Variants in ABRACL observed in about 807,000 individuals in gnomAD.
ABRACL encodes the protein costars family protein ABRACL.
Under a neutral mutation model 7.0 loss-of-function variants are expected in ABRACL, and 4 were observed. That is an observed-to-expected ratio of 0.57 (90% CI 0.28 to 1.30). ABRACL has a LOEUF of 1.30. Among genes scored for constraint, ABRACL ranks in the 50% most tolerant of loss-of-function variants. The pLI is 0.10. For missense variants in ABRACL, 104 were observed against 97.3 expected (o/e 1.07, Z -0.29); for synonymous variants, 30 against 36.0 (o/e 0.83, Z 0.60).
At chr6:139,034,328 C>T (rs1278112014) in intron 2 of ABRACL, 107 bp downstream of exon 2, 2 of 1,600,716 alleles carry the variant, frequency 1.2e-6, no homozygotes, top group Admixed American at 3.5e-5. Context: ...CTTCAGGACA[C>T]AGGTCTGGGA....
At chr6:139,032,146 A>T (rs1663347302) in intron 1 of ABRACL, among the ~76,000 whole-genome samples, 1 of 151,534 alleles carries the variant, frequency 6.6e-6, no homozygotes, top group South Asian at 2.1e-4. Context: ...TTGTATTTTT[A>T]GTAGAGACGG....
chr6:139,031,345 C>G (rs1161732687), intron 1 of ABRACL, among the ~76,000 whole-genome samples: 1 of 152,116 alleles, frequency 6.6e-6, no homozygotes, highest in Non-Finnish European at 1.5e-5. Context: ...TTACACTTAC[C>G]CATCCTACCC....
At chr6:139,030,073 G>C (rs1786057840) in intron 1 of ABRACL, among the ~76,000 whole-genome samples, 2 of 151,972 alleles carry the variant, frequency 1.3e-5, no homozygotes, top group South Asian at 2.1e-4. Flanking sequence ...CTTCCCTGGA[G>C]CCTTTTCCTG....
At chr6:139,041,493 A>ATATGTGTGTGTG (rs71932479) in intron 2 of ABRACL, among the ~76,000 whole-genome samples, 16 of 122,480 alleles carry the variant, frequency 1.3e-4, no homozygotes, top group Non-Finnish European at 2.6e-4. Context: ...ATATATATAT[A>ATATGTGTGTGTG]TGTGTGTGTG....
At chr6:139,033,345 G>A (rs6570301) in intron 1 of ABRACL, among the ~76,000 whole-genome samples, 145,317 of 152,362 alleles carry the variant, frequency 0.95, 69,369 homozygotes, top group East Asian at 1. Flanking sequence ...GAACTTCACC[G>A]TGAGCTATTT....
chr6:139,036,986 A>G (rs982902274), intron 2 of ABRACL, among the ~76,000 whole-genome samples: 2 of 149,424 alleles, frequency 1.3e-5, no homozygotes, highest in Admixed American at 1.3e-4. Context: ...CCTGTCTCAA[A>G]ACAAAAACAA....
At chr6:139,031,816 ACT>A (rs756542731) in intron 1 of ABRACL, among the ~76,000 whole-genome samples, 2 of 151,924 alleles carry the variant, frequency 1.3e-5, no homozygotes, top group Non-Finnish European at 2.9e-5. Context: ...CCAGGGTAAG[ACT>A]CTACCCAGGA....
chr6:139,040,262 G>A (rs1786225216), intron 2 of ABRACL, among the ~76,000 whole-genome samples: 1 of 152,172 alleles, frequency 6.6e-6, no homozygotes, highest in Non-Finnish European at 1.5e-5. Flanking sequence ...GCAGCTTGCA[G>A]TGATGCATGT....
intron 1 of ABRACL, among the ~76,000 whole-genome samples, chr6:139,029,142 A>G (rs1786038490): frequency 1.3e-5 from 2 of 152,004 alleles, no homozygotes; most frequent in Non-Finnish European, 2.9e-5. Context: ...CGGACTGGGA[A>G]GCCGGCAGAA....
Position 139,041,600 on chromosome 6 carries a change from A to G in ABRACL, c.62-1119A>G, listed in dbSNP as rs375107044. On this transcript the variant is annotated intron_variant, in intron 2 of 2. Transcript: ENST00000367660. Reference sequence around the variant, plus strand: ...GGTGTCAAACTTCTGGGCTCAAGGTATCCTCCTACCTTGGCCTCCCAAAGT... The same window carrying G: ...GGTGTCAAACTTCTGGGCTCAAGGTGTCCTCCTACCTTGGCCTCCCAAAGT... 8.1e-5 allele frequency among the ~76,000 whole-genome samples: 12 copies of G among 148,644 alleles called. No homozygotes were observed. The East Asian group carries it at 2.0e-3, about 25-fold the overall frequency.
intron 1 of ABRACL, among the ~76,000 whole-genome samples, chr6:139,032,067 A>T (rs572098524): frequency 8.0e-4 from 120 of 149,694 alleles, no homozygotes; most frequent in Non-Finnish European, 1.5e-3. Flanking sequence ...TTCACGCCAT[A>T]CTCCTGCCTC....
intron 2 of ABRACL, among the ~76,000 whole-genome samples, chr6:139,037,342 C>T (rs7756186): frequency 0.39 from 59,752 of 151,940 alleles, 13,500 homozygotes; most frequent in East Asian, 0.91. Flanking sequence ...TCACTGCAAC[C>T]TCTTGTCTTC....
intron 2 of ABRACL, among the ~76,000 whole-genome samples, chr6:139,036,670 A>G (rs545594689): frequency 3.9e-5 from 6 of 152,100 alleles, no homozygotes; most frequent in Admixed American, 6.5e-5. Flanking sequence ...GGATTTTACT[A>G]CTTAGTTGAT....
At chr6:139,035,500 C>CGA (rs1786139626) in intron 2 of ABRACL, among the ~76,000 whole-genome samples, 2 of 137,522 alleles carry the variant, frequency 1.5e-5, no homozygotes, top group Non-Finnish European at 3.2e-5. Context: ...TTTTTTTTTT[C>CGA]GAGAGAGAAT....
rs775670582 is a variant in ABRACL, at chr6:139,034,348, A to C, written c.61+127A>C. On this transcript the variant is annotated intron_variant, in intron 2 of 2. Coordinates refer to ENST00000367660, the MANE Select transcript of ABRACL (RefSeq NM_021243.3). ...GGACACAGGTCTGGGAGCTCTGCCCACAGCCCCAGGTTATAACTGCCCTTA... is the reference window on the plus strand; with the variant it reads ...GGACACAGGTCTGGGAGCTCTGCCCCCAGCCCCAGGTTATAACTGCCCTTA... 22 of 1,580,466 alleles carry C rather than the reference A, an allele frequency of 1.4e-5. No individual in the cohort carries two copies. In the African/African-American group the frequency reaches 2.8e-4, roughly 20 times the overall value.
chr6:139,040,655 A>C (rs1786229451), intron 2 of ABRACL, among the ~76,000 whole-genome samples: 1 of 152,222 alleles, frequency 6.6e-6, no homozygotes, highest in Non-Finnish European at 1.5e-5. Flanking sequence ...CCTGTTGCAC[A>C]GAGTGTCATG....
At chr6:139,042,674 T>G (rs1398261682) in intron 2 of ABRACL, 45 bp from the exon 3 acceptor site, 1 of 1,556,926 alleles carries the variant, frequency 6.4e-7, no homozygotes, top group African/African-American at 1.4e-5. Context: ...CTTGAGGGTA[T>G]GAAACAGACT....
intron 2 of ABRACL, among the ~76,000 whole-genome samples, chr6:139,039,612 C>A (rs1562220505): frequency 1.3e-5 from 2 of 152,158 alleles, no homozygotes; most frequent in Admixed American, 1.3e-4. Flanking sequence ...TCTGGGCAGA[C>A]GGCTGAACAC....
Position 139,041,451 on chromosome 6 carries a change from C to CTCTATA in ABRACL, c.62-1267_62-1266insCTATAT, listed in dbSNP as rs140091253. On this transcript the variant is annotated intron_variant, in intron 2 of 2. Coordinates refer to ENST00000367660, the MANE Select transcript of ABRACL (RefSeq NM_021243.3). Reference sequence around the variant, plus strand: ...TCTCTCTCTCTCTCTCTCTCTCTCTCTATATATATATATATATATTTCTAT... The same window carrying CTCTATA: ...TCTCTCTCTCTCTCTCTCTCTCTCTCTCTATATATATATATATATATATATTTCTAT... Among the ~76,000 whole-genome samples, 646 of 109,992 alleles carry CTCTATA rather than the reference C, an allele frequency of 5.9e-3. 3 individuals are homozygous for CTCTATA. Among genetic ancestry groups the CTCTATA allele is most frequent in the African/African-American group, 0.012 (350 of 28,164 alleles). 72.2% of individuals were successfully genotyped at this position (109,992 alleles called of 152,430 possible). A position where few individuals can be genotyped will look rare whatever the true frequency, so the allele number is the denominator to read the frequency against.
Sources: gnomAD v4.1 joint callset for allele counts (sites outside exome capture counted in the v4.1 genomes callset) on GRCh38, gnomAD v4.1.1 for gene constraint, MANE v1.5 for transcripts, NCBI Gene and HGNC (gene_info 2026-07-23, HGNC 2026-07-21) for gene names.